NRXN1: variants seen among roughly 807,000 people sequenced by gnomAD.
NRXN1 encodes the protein neurexin-1.
Under a neutral mutation model 150.9 loss-of-function variants are expected in NRXN1, and 39 were observed. The ratio of observed to expected loss-of-function variants is 0.26; its 90% confidence interval spans 0.20 to 0.34. The LOEUF is 0.34. Among genes scored for constraint, NRXN1 ranks in the 10% least tolerant of loss-of-function variants. The pLI is 1.00. For missense variants in NRXN1, 1,815 were observed against 1,949.9 expected (o/e 0.93, Z 1.30); for synonymous variants, 924 against 757.0 (o/e 1.22, Z -3.62).
At chr2:50,700,756 T>C (rs1282477025) in intron 5 of NRXN1, among the ~76,000 whole-genome samples, 1 of 152,188 alleles carries the variant, frequency 6.6e-6, no homozygotes, top group African/African-American at 2.4e-5. Context: ...AGGATAAGTT[T>C]TTTATTTGAT....
At chr2:49,983,322 TAAGCAAATGAG>T (rs1437640751) in intron 21 of NRXN1, among the ~76,000 whole-genome samples, 1 of 152,180 alleles carries the variant, frequency 6.6e-6, no homozygotes, top group Non-Finnish European at 1.5e-5. Context: ...AAATGTTTGT[TAAGCAAATGAG>T]GAATAAATGA....
intron 17 of NRXN1, among the ~76,000 whole-genome samples, chr2:50,421,985 C>A (rs2084035480): frequency 6.6e-6 from 1 of 152,154 alleles, no homozygotes; most frequent in Non-Finnish European, 1.5e-5. Context: ...CTTCATCCAC[C>A]TTTCCTTCAT....
At chr2:50,700,533 T>C (rs563870178) in intron 5 of NRXN1, among the ~76,000 whole-genome samples, 1 of 152,314 alleles carries the variant, frequency 6.6e-6, no homozygotes, top group South Asian at 2.1e-4. Flanking sequence ...GATATTAAAC[T>C]CAAAGTTGCT....
chr2:50,640,428 G>A (rs1221681467), intron 5 of NRXN1, among the ~76,000 whole-genome samples: 2 of 152,082 alleles, frequency 1.3e-5, no homozygotes, highest in African/African-American at 4.8e-5. Flanking sequence ...TACTGCTTAT[G>A]TAACTTATCA....
intron 17 of NRXN1, among the ~76,000 whole-genome samples, chr2:50,334,487 C>G (rs1169281987): frequency 6.6e-6 from 1 of 152,108 alleles, no homozygotes; most frequent in Non-Finnish European, 1.5e-5. Context: ...TTTCTTGAAG[C>G]TTTTACTGAT....
At chr2:50,119,807 C>T (rs1388845269) in intron 18 of NRXN1, among the ~76,000 whole-genome samples, 4 of 152,152 alleles carry the variant, frequency 2.6e-5, no homozygotes, top group African/African-American at 9.7e-5. Context: ...CCTATATTTA[C>T]TCCAGTCATT....
intron 16 of NRXN1, chr2:50,466,360 C>T: frequency 2.9e-6 from 1 of 346,010 alleles, no homozygotes. Flanking sequence ...AAATCTGAAC[C>T]CAAATAACAG....
At chr2:50,020,181 A>G (rs1442301421) in intron 21 of NRXN1, among the ~76,000 whole-genome samples, 1 of 152,086 alleles carries the variant, frequency 6.6e-6, no homozygotes, top group Non-Finnish European at 1.5e-5. Flanking sequence ...TTTGATTTAT[A>G]AACAGCAGAA....
At chr2:50,993,410 C>T (rs1435965745) in intron 2 of NRXN1, among the ~76,000 whole-genome samples, 1 of 151,640 alleles carries the variant, frequency 6.6e-6, no homozygotes, top group Non-Finnish European at 1.5e-5. Context: ...TTTTAGGTTC[C>T]CTTTGATTCT....
At chr2:50,857,916 C>G (rs901215821) in intron 5 of NRXN1, among the ~76,000 whole-genome samples, 1 of 152,098 alleles carries the variant, frequency 6.6e-6, no homozygotes, top group Non-Finnish European at 1.5e-5. Flanking sequence ...ACACCACCTG[C>G]TATACAATGA....
chr2:50,210,754 T>C (rs1269741767), intron 18 of NRXN1, among the ~76,000 whole-genome samples: 1 of 151,576 alleles, frequency 6.6e-6, no homozygotes, highest in African/African-American at 2.4e-5. Context: ...AAATAGATAA[T>C]GTACTAGTTA....
At chr2:50,117,167 A>G (rs1249463529) in intron 18 of NRXN1, among the ~76,000 whole-genome samples, 1 of 152,180 alleles carries the variant, frequency 6.6e-6, no homozygotes, top group Non-Finnish European at 1.5e-5. Flanking sequence ...GAAAGTAGAC[A>G]TATGTTAAAA....
chr2:51,014,002 G>C (rs1247507418), intron 2 of NRXN1, among the ~76,000 whole-genome samples: 1 of 152,008 alleles, frequency 6.6e-6, no homozygotes, highest in African/African-American at 2.4e-5. Context: ...ACTAGTGAGA[G>C]ACATTTTTTA....
chr2:50,569,281 T>C (rs1558950571), intron 8 of NRXN1, among the ~76,000 whole-genome samples: 1 of 152,046 alleles, frequency 6.6e-6, no homozygotes, highest in Non-Finnish European at 1.5e-5. Flanking sequence ...TTAAAATAAC[T>C]AAAAGAGTGT....
At chr2:50,333,621 C>A (rs146526066) in intron 17 of NRXN1, among the ~76,000 whole-genome samples, 1 of 151,862 alleles carries the variant, frequency 6.6e-6, no homozygotes, top group Non-Finnish European at 1.5e-5. Context: ...TAGGACACTG[C>A]GAGTCCTCCC....
intron 17 of NRXN1, among the ~76,000 whole-genome samples, chr2:50,338,089 C>G (rs191167847): frequency 6.6e-6 from 1 of 152,302 alleles, no homozygotes; most frequent in Admixed American, 6.5e-5. Context: ...GTAGGGAAAC[C>G]AAATACATTA....
intron 5 of NRXN1, among the ~76,000 whole-genome samples, chr2:50,911,783 T>C (rs533556051): frequency 2.6e-5 from 4 of 152,030 alleles, no homozygotes; most frequent in South Asian, 2.1e-4. Context: ...TTGCCACATA[T>C]TCAATTTGAT....
rs1272950461 is a variant in NRXN1 at position 50,250,947 on chromosome 2, G to GCCATAT, written c.3365-13978_3365-13977insATATGG. Among the ~76,000 whole-genome samples, 18 of 145,666 alleles carry GCCATAT rather than the reference G, an allele frequency of 1.2e-4. No homozygotes were observed. In the South Asian group the frequency reaches 1.3e-3, roughly 11 times the overall value. ...CATATGTAATAAATTTATTACATAT[G>GCCATAT]GCATATGTAATAAATTTATTACACA... On this transcript the variant is annotated intron_variant, in intron 17 of 22. Coordinates refer to ENST00000401669, the MANE Select transcript of NRXN1 (RefSeq NM_001330078.2).
chr2:50,072,994 T>C (rs1020763999), intron 19 of NRXN1, among the ~76,000 whole-genome samples: 1 of 152,236 alleles, frequency 6.6e-6, no homozygotes, highest in Non-Finnish European at 1.5e-5. Flanking sequence ...CTTAAAAAAA[T>C]GCTTATGAAA....
Sources: gnomAD v4.1 joint callset for allele counts (sites outside exome capture counted in the v4.1 genomes callset) on GRCh38, gnomAD v4.1.1 for gene constraint, MANE v1.5 for transcripts, NCBI Gene and HGNC (gene_info 2026-07-23, HGNC 2026-07-21) for gene names.